The following COLGALT2 variants were observed in gnomAD, a reference collection of about 807,000 sequenced individuals.
COLGALT2 encodes the protein collagen beta(1-O)galactosyltransferase 2.
In COLGALT2, 49 loss-of-function variants were observed where a neutral mutation model predicts 73.4. The observed-to-expected ratio is 0.67, with a 90% confidence interval of 0.53 to 0.85. The LOEUF (loss-of-function observed/expected upper bound fraction) is 0.85. Ranked by LOEUF, COLGALT2 falls within the 40% of genes least tolerant of loss-of-function variation. COLGALT2 has a pLI of 0.00. For synonymous variants in COLGALT2, 295 were observed against 307.6 expected (o/e 0.96, Z 0.43); for missense variants, 722 against 790.2 (o/e 0.91, Z 1.03).
intron 1 of COLGALT2, among the ~76,000 whole-genome samples, chr1:184,023,087 C>T (rs116054250): frequency 0.014 from 2,116 of 152,188 alleles, 48 homozygotes; most frequent in African/African-American, 0.048. Context: ...GAAAGGGAAG[C>T]GTTTGATTTT....
chr1:183,964,806 T>C (rs1232270524), intron 5 of COLGALT2, among the ~76,000 whole-genome samples: 2 of 152,202 alleles, frequency 1.3e-5, no homozygotes, highest in African/African-American at 2.4e-5. Flanking sequence ...ATACACATCA[T>C]TGGTCAGCAA....
chr1:183,949,205 C>T (rs530628755), intron 8 of COLGALT2, among the ~76,000 whole-genome samples: 5 of 152,250 alleles, frequency 3.3e-5, no homozygotes, highest in South Asian at 2.1e-4. Flanking sequence ...TCCCAGCTGC[C>T]GTTTTCTTTA....
chr1:184,037,003 C>T, intron 1 of COLGALT2, 92 bp downstream of exon 1: 1 of 1,125,994 alleles, frequency 8.9e-7, no homozygotes, highest in South Asian at 3.6e-5. Flanking sequence ...CAGCGGCTCC[C>T]TCGCCCTGCA....
chr1:183,932,399 A>G (rs1669866213), downstream of COLGALT2, among the ~76,000 whole-genome samples: 1 of 151,970 alleles, frequency 6.6e-6, no homozygotes, highest in Non-Finnish European at 1.5e-5. Context: ...GGTGCATGAT[A>G]CAAGAGTTAG....
chr1:183,938,981 G>C lies in COLGALT2; in HGVS notation c.1661C>G (p.Pro554Arg), dbSNP rs755348227. 3.7e-6 allele frequency: 6 copies of C among 1,614,070 alleles called. No individual in the cohort carries two copies. Among genetic ancestry groups the C allele is most frequent in the Admixed American group, 1.7e-5 (1 of 60,014 alleles). Residue 554 changes from proline to arginine, a missense_variant, in exon 12 of 12, where the codon CCC becomes CGC. Coordinates refer to ENST00000361927, the MANE Select transcript of COLGALT2 (RefSeq NM_015101.4). ...SRDLKAFSAE[P>R]LLIYPTHYTG... ...GTAGTGCGTAGGGTAGATGAGCAAG[G>C]GTTCTGCAGAGAAGGCTTTCAGGTC...
In COLGALT2 at chr1:184,031,817, A is replaced by ATCCATCCTTCCTTCCT. The variant is rs369842594; in HGVS notation, c.263+5277_263+5278insAGGAAGGAAGGATGGA. On this transcript the variant is annotated intron_variant, in intron 1 of 11. Coordinates refer to ENST00000361927, the MANE Select transcript of COLGALT2 (RefSeq NM_015101.4). Reference sequence around the variant, plus strand: ...TCTAGAACAGTGCCTCCATGAATGTATCCTTCCTTCCTTCCTTCCTTCCTT... The same window carrying ATCCATCCTTCCTTCCT: ...TCTAGAACAGTGCCTCCATGAATGTATCCATCCTTCCTTCCTTCCTTCCTTCCTTCCTTCCTTCCTT... Among the ~76,000 whole-genome samples the ATCCATCCTTCCTTCCT allele has an allele frequency of 2.8e-3, 391 of 139,304 alleles. 1 individual carries two copies. Among genetic ancestry groups the ATCCATCCTTCCTTCCT allele is most frequent in the Non-Finnish European group, 4.3e-3 (274 of 63,592 alleles). The allele number at this position is 139,304 out of a possible 152,430, so 91.4% of individuals were successfully genotyped here. A position where few individuals can be genotyped will look rare whatever the true frequency, so the allele number is the denominator to read the frequency against.
chr1:184,037,533 C>CCCG lies in COLGALT2; in HGVS notation c.-179_-177dup, dbSNP rs1460565498. On this transcript the variant is annotated 5_prime_UTR_variant, in exon 1 of 12. Transcript: ENST00000361927. ...CGGCGGCTGCGGTTCCCAGGACCCT[C>CCCG]CCGCCGCCGCTGCACCGCCCAGGCC... The CCCG allele has an allele frequency of 1.8e-6, 2 of 1,137,664 alleles. No individual in the cohort carries two copies. The highest frequency in any genetic ancestry group is 9.3e-5 in the East Asian group (2 of 21,432). 70.5% of individuals were successfully genotyped at this position (1,137,664 alleles called of 1,614,324 possible).
At chr1:183,959,638 A>T (rs997824319) in intron 6 of COLGALT2, among the ~76,000 whole-genome samples, 3 of 151,928 alleles carry the variant, frequency 2.0e-5, no homozygotes, top group African/African-American at 7.3e-5. Flanking sequence ...GGAGAGAGGT[A>T]CTGGTCCCCT....
At chr1:183,939,084 CT>C in intron 11 of COLGALT2, 47 bp from the exon 12 acceptor site, 1 of 1,483,086 alleles carries the variant, frequency 6.7e-7, no homozygotes, top group Non-Finnish European at 9.3e-7. Flanking sequence ...GGAAAGGAGA[CT>C]TACGGAACAG....
In COLGALT2 at chr1:184,037,096, A is replaced by G; in HGVS notation, c.262T>C (p.Trp88Arg). The change falls in exon 1 of 12, where the codon TGG (tryptophan) becomes CGG (arginine). Residue 88 changes from tryptophan to arginine, a missense_variant and splice_region_variant. By Grantham distance (101) the Trp-to-Arg change is moderately radical. Transcript: ENST00000361927. ...GGCCCGGGGCCCGTGCGCGCTCACC[A>G]GATGGCCATCCTGCTCTTGGGGTAG... is the stretch of plus-strand genomic sequence containing the variant. ...LDYPKSRMAI[W>R]AATDHNVDNT... 6.4e-7 allele frequency: 1 copy of G among 1,573,754 alleles called. No individual in the cohort carries two copies. The highest frequency in any genetic ancestry group is 8.6e-7 in the Non-Finnish European group (1 of 1,163,728).
At chr1:184,029,647 C>T (rs1024836188) in intron 1 of COLGALT2, among the ~76,000 whole-genome samples, 1 of 152,154 alleles carries the variant, frequency 6.6e-6, no homozygotes, top group Non-Finnish European at 1.5e-5. Context: ...GAAAAGTTAC[C>T]AAGTTATACA....
intron 4 of COLGALT2, among the ~76,000 whole-genome samples, chr1:183,973,226 G>C (rs1231333860): frequency 3.9e-5 from 6 of 152,008 alleles, no homozygotes; most frequent in Admixed American, 3.3e-4. Flanking sequence ...ATGTTGTTAC[G>C]GTGATGGGGA....
At chr1:183,989,092 T>C (rs1347357539) in intron 1 of COLGALT2, among the ~76,000 whole-genome samples, 1 of 152,254 alleles carries the variant, frequency 6.6e-6, no homozygotes, top group African/African-American at 2.4e-5. Flanking sequence ...CTTTGATATG[T>C]ATTTTTCTTA....
At chr1:184,004,478 G>A (rs1672016434) in intron 1 of COLGALT2, among the ~76,000 whole-genome samples, 1 of 152,140 alleles carries the variant, frequency 6.6e-6, no homozygotes, top group South Asian at 2.1e-4. Context: ...ACATTTTTAG[G>A]TATTTTTAAG....
chr1:184,005,885 C>G (rs1198686748), intron 1 of COLGALT2, among the ~76,000 whole-genome samples: 1 of 152,168 alleles, frequency 6.6e-6, no homozygotes, highest in Non-Finnish European at 1.5e-5. Context: ...AGAAAGTCAA[C>G]AGGACCCGGT....
intron 1 of COLGALT2, among the ~76,000 whole-genome samples, chr1:183,983,927 T>C (rs985720663): frequency 1.3e-5 from 2 of 152,192 alleles, no homozygotes; most frequent in Non-Finnish European, 2.9e-5. Context: ...TGCAAGTAAT[T>C]GACAGTCAGT....
Position 183,951,071 on chromosome 1 carries a change from G to A in COLGALT2, c.1072C>T (p.Arg358Trp), listed in dbSNP as rs1447845567. The A allele has an allele frequency of 1.5e-5, 24 of 1,613,834 alleles. No individual in the cohort carries two copies. Among genetic ancestry groups the A allele is most frequent in the Non-Finnish European group, 1.9e-5 (22 of 1,179,802 alleles). Residue 358 changes from arginine (R) to tryptophan (W), a missense_variant, in exon 8 of 12, where the codon CGG becomes TGG. By Grantham distance (101) the Arg-to-Trp change is moderately radical. Transcript: ENST00000361927. ...NLKRRKDRRD[R>W]MLRTLYEQEI... ...TGTTCATACAGTGTGCGCAGCATCCGGTCCCGCCTGTCCTTTCTGCGTTTG... is the reference window on the plus strand; with the variant it reads ...TGTTCATACAGTGTGCGCAGCATCCAGTCCCGCCTGTCCTTTCTGCGTTTG...
intron 1 of COLGALT2, among the ~76,000 whole-genome samples, chr1:183,999,470 C>T (rs116214530): frequency 5.9e-5 from 9 of 151,952 alleles, no homozygotes; most frequent in African/African-American, 9.7e-5. Context: ...GTTAACCTCA[C>T]GAAATAAATT....
At chr1:184,021,458 A>G (rs1157404916) in intron 1 of COLGALT2, among the ~76,000 whole-genome samples, 1 of 152,134 alleles carries the variant, frequency 6.6e-6, no homozygotes, top group Non-Finnish European at 1.5e-5. Context: ...GTTTGTTATC[A>G]TGAGAGCGAG....
Sources: gnomAD v4.1 joint callset for allele counts (sites outside exome capture counted in the v4.1 genomes callset) on GRCh38, gnomAD v4.1.1 for gene constraint, MANE v1.5 for transcripts, NCBI Gene and HGNC (gene_info 2026-07-23, HGNC 2026-07-21) for gene names.